The following SYNE1 variants were observed in gnomAD, a reference collection of about 807,000 sequenced individuals.
SYNE1 encodes spectrin repeat containing nuclear envelope protein 1, also known as nesprin-1.
SYNE1 carries 616 observed loss-of-function variants against 1,111.0 expected under a neutral mutation model. The observed-to-expected ratio is 0.55, with a 90% CI of 0.52 to 0.59. SYNE1 has a LOEUF of 0.59. Ranked by LOEUF, SYNE1 falls within the 20% of genes least tolerant of loss-of-function variation. SYNE1 has a pLI of 0.00. For synonymous variants in SYNE1, 3,855 were observed against 3,825.8 expected, an observed-to-expected ratio of 1.01 and a Z score of -0.28; for missense variants, 10,006 against 10,417.0, an observed-to-expected ratio of 0.96 and a Z score of 1.72.
chr6:152,488,392 A>C lies in SYNE1; in HGVS notation c.1047+4T>G, dbSNP rs9397106. 1 of 1,525,942 alleles carries C rather than the reference A, an allele frequency of 6.6e-7. No individual in the cohort carries two copies. 94.5% of individuals were successfully genotyped at this position (1,525,942 alleles called of 1,614,324 possible). ...AAAATTCAAAAATCTTCTCCATACA[A>C]TACCTGATATTTATCCTGTAAATTT... On this transcript the variant is annotated splice_donor_region_variant and intron_variant, in intron 12 of 145. Transcript: ENST00000367255.
In SYNE1 at chr6:152,133,328, C is replaced by A. The variant is rs1278179676; in HGVS notation, c.25949G>T (p.Ser8650Ile). The A allele has an allele frequency of 6.2e-7, 1 of 1,614,048 alleles. No homozygotes were observed. The highest frequency in any genetic ancestry group is 1.3e-5 in the African/African-American group (1 of 74,918). ...CTTCTCCAGTTCCTTGATATGACGA[C>A]TGACCTCCTTCAAGAGAAGTTTGAG... is the stretch of plus-strand genomic sequence containing the variant. The part of the protein sequence containing the change: ...NRLKLLLKEV[S>I]RHIKELEKLL... Residue 8650 changes from serine (S) to isoleucine (I), a missense_variant, in exon 143 of 146, where the codon AGT becomes ATT. Ser to Ile is a moderately radical substitution (Grantham distance 142). Coordinates refer to ENST00000367255, the MANE Select transcript of SYNE1 (RefSeq NM_182961.4).
chr6:152,572,551 C>T (rs1161484603), intron 3 of SYNE1, among the ~76,000 whole-genome samples: 1 of 152,120 alleles, frequency 6.6e-6, no homozygotes, highest in Non-Finnish European at 1.5e-5. Flanking sequence ...TAGGAAACAG[C>T]TCCAGAGTCT....
In SYNE1 at chr6:152,149,589, C is replaced by T; in HGVS notation, c.24530G>A (p.Ser8177Asn). ...IAQGEQLIEK[S>N]EPLDAAIIEE... ...GATGATCGCTGCATCCAAGGGCTCA[C>T]TCTTTTCTATCAGCTGTTCTCCTTG... is the stretch of plus-strand genomic sequence containing the variant. The change falls in exon 136 of 146, where the codon AGT (serine) becomes AAT (asparagine). Residue 8177 changes from serine to asparagine, a missense_variant. Around this residue, in one of 7 missense-constraint regions of SYNE1, gnomAD observed 761 missense variants for 795.5 expected, o/e 0.96. Transcript: ENST00000367255. The T allele has an allele frequency of 1.2e-6, 2 of 1,614,172 alleles. No homozygotes were observed. The highest frequency in any genetic ancestry group is 1.7e-6 in the Non-Finnish European group (2 of 1,180,036).
intron 72 of SYNE1, among the ~76,000 whole-genome samples, chr6:152,349,497 G>A (rs2096705072): frequency 6.6e-6 from 1 of 152,188 alleles, no homozygotes; most frequent in Non-Finnish European, 1.5e-5. Context: ...CAGACTTTCT[G>A]ATGCCTTTGG....
At chr6:152,133,724 T>C in intron 142 of SYNE1, 1 of 574,020 alleles carries the variant, frequency 1.7e-6, no homozygotes. Context: ...TGATGCCTGG[T>C]CCACAGTATT....
At chr6:152,137,045 G>A (rs1328394378) in intron 140 of SYNE1, among the ~76,000 whole-genome samples, 1 of 152,098 alleles carries the variant, frequency 6.6e-6, no homozygotes, top group Non-Finnish European at 1.5e-5. Flanking sequence ...ACAGGGTGTA[G>A]AGTGAAAACG....
intron 5 of SYNE1, among the ~76,000 whole-genome samples, chr6:152,522,031 A>T (rs1158199906): frequency 1.3e-5 from 2 of 152,128 alleles, no homozygotes; most frequent in Non-Finnish European, 2.9e-5. Context: ...TGAGATAAGA[A>T]TTCAATTTTA....
At chr6:152,441,857 C>T (rs569877620) in intron 31 of SYNE1, among the ~76,000 whole-genome samples, 1 of 152,334 alleles carries the variant, frequency 6.6e-6, no homozygotes, top group East Asian at 1.9e-4. Context: ...AGTCCTCAAA[C>T]TCTTTCTTCT....
chr6:152,369,203 A>T (rs1380897148), intron 60 of SYNE1, 76 bp from the exon 61 acceptor site: 1 of 1,576,238 alleles, frequency 6.3e-7, no homozygotes, highest in Non-Finnish European at 8.6e-7. Flanking sequence ...CCCAGAGAAC[A>T]TGGAAATCAA....
rs752839647 is a variant in SYNE1 at position 152,455,409 on chromosome 6, C to T, written c.2892+17G>A. The stretch of plus-strand genomic sequence containing the variant: ...TCCATGTATTCAGGTCAAGTGTCCC[C>T]TAAAGGGTGGACTCACAGTGTGTCT... On this transcript the variant is annotated intron_variant, in intron 24 of 145. Transcript: ENST00000367255. The T allele has an allele frequency of 6.2e-7, 1 of 1,612,354 alleles. No individual in the cohort carries two copies. Among genetic ancestry groups the T allele is most frequent in the Non-Finnish European group, 8.5e-7 (1 of 1,179,038 alleles).
chr6:152,505,075 T>C, intron 9 of SYNE1, 126 bp downstream of exon 9: 1 of 1,044,522 alleles, frequency 9.6e-7, no homozygotes, highest in Non-Finnish European at 1.4e-6. Flanking sequence ...AAAATACCAT[T>C]ACTTGCCACT....
chr6:152,214,729 C>T (rs151310191), intron 122 of SYNE1, among the ~76,000 whole-genome samples, 177 bp downstream of exon 122: 66 of 152,332 alleles, frequency 4.3e-4, no homozygotes, highest in African/African-American at 1.5e-3. Context: ...GAGAGCAGCC[C>T]TCACCAGACA....
intron 93 of SYNE1, among the ~76,000 whole-genome samples, chr6:152,297,599 T>C (rs1044965031): frequency 2.6e-5 from 4 of 152,252 alleles, no homozygotes; most frequent in Non-Finnish European, 5.9e-5. Flanking sequence ...TGCACTTATA[T>C]AAATTCTATT....
chr6:152,409,374 C>T (rs2097970229), intron 43 of SYNE1, 148 bp from the exon 44 acceptor site: 1 of 1,065,540 alleles, frequency 9.4e-7, no homozygotes, highest in African/African-American at 1.6e-5. Flanking sequence ...ATATATATAA[C>T]ACCATTTTCT....
chr6:152,236,739 T>C lies in SYNE1; in HGVS notation c.20199+78A>G, dbSNP rs1338395067. The C allele has an allele frequency of 5.2e-6, 8 of 1,540,186 alleles. No homozygotes were observed. In the Admixed American group the frequency reaches 1.2e-4, roughly 23 times the overall value. ...AAAAGTAAAAGTACTAATAAAATAATTGATCACAAGTTTGTTTACATTCTG... is the reference window on the plus strand; with the variant it reads ...AAAAGTAAAAGTACTAATAAAATAACTGATCACAAGTTTGTTTACATTCTG... On this transcript the variant is annotated intron_variant, in intron 109 of 145. Transcript: ENST00000367255.
In SYNE1 at chr6:152,559,537, T is replaced by C. The variant is rs2099387754; in HGVS notation, c.68-19516A>G. On this transcript the variant is annotated intron_variant, in intron 3 of 145. Coordinates refer to ENST00000367255, the MANE Select transcript of SYNE1 (RefSeq NM_182961.4). Reference sequence around the variant, plus strand: ...GGAAATTAAACAATTCATTGAACAATCAATGGGCCAAAAAATAAAAGGGAA... The same window carrying C: ...GGAAATTAAACAATTCATTGAACAACCAATGGGCCAAAAAATAAAAGGGAA... 2.0e-5 allele frequency among the ~76,000 whole-genome samples: 3 copies of C among 151,874 alleles called. No individual in the cohort carries two copies. The South Asian group carries it at 6.2e-4, about 32-fold the overall frequency.
intron 3 of SYNE1, among the ~76,000 whole-genome samples, chr6:152,603,784 CTATT>C (rs1391515541): frequency 3.1e-5 from 4 of 127,198 alleles, no homozygotes; most frequent in Admixed American, 7.8e-5. Context: ...ACTCATCTCT[CTATT>C]TATTTTATAT....
intron 51 of SYNE1, among the ~76,000 whole-genome samples, chr6:152,392,614 A>T (rs2097662671): frequency 6.6e-6 from 1 of 152,162 alleles, no homozygotes; most frequent in South Asian, 2.1e-4. Flanking sequence ...CCACCCTGAG[A>T]TCTGCTAAGA....
chr6:152,408,468 A>G (rs944023708), intron 44 of SYNE1, among the ~76,000 whole-genome samples: 1 of 152,136 alleles, frequency 6.6e-6, no homozygotes, highest in Non-Finnish European at 1.5e-5. Context: ...CTTCTTTTTT[A>G]TCTATAATTT....
Sources: gnomAD v4.1 joint callset for allele counts (sites outside exome capture counted in the v4.1 genomes callset) on GRCh38, gnomAD v4.1.1 for gene constraint, gnomAD v4.1.1 regional missense constraint, MANE v1.5 for transcripts, NCBI Gene and HGNC (gene_info 2026-07-23, HGNC 2026-07-21) for gene names.